XIRP2: variants seen among roughly 807,000 people sequenced by gnomAD.
The protein encoded by XIRP2 is xin actin binding repeat containing 2, also known as xin actin-binding repeat-containing protein 2.
A neutral mutation model predicts 277.0 loss-of-function variants in XIRP2; 236 were observed. The ratio of observed to expected loss-of-function variants is 0.85; its 90% CI spans 0.77 to 0.95. The LOEUF is 0.95. XIRP2 is among the 40% of genes least tolerant of loss of function. The probability of loss-of-function intolerance (pLI) is 0.00; values close to 1 mark genes in which losing one functional copy is unlikely to be tolerated. For missense variants in XIRP2, 4,640 were observed against 4,157.5 expected (o/e 1.12, Z -3.19); for synonymous variants, 1,490 against 1,416.5 (o/e 1.05, Z -1.17).
intron 2 of XIRP2, among the ~76,000 whole-genome samples, chr2:167,024,665 T>G (rs534684511): frequency 3.7e-4 from 56 of 152,102 alleles, no homozygotes; most frequent in South Asian, 6.2e-4. Context: ...TAGCATGACG[T>G]GTTGTTGAAT....
At chr2:167,242,323 T>A (rs1375501468) in intron 8 of XIRP2, among the ~76,000 whole-genome samples, 1 of 152,172 alleles carries the variant, frequency 6.6e-6, no homozygotes, top group Non-Finnish European at 1.5e-5. Context: ...GTGTAAATTT[T>A]AAAATATTGA....
chr2:167,254,248 T>G (rs941882676), intron 10 of XIRP2, 83 bp downstream of exon 10: 9 of 1,350,160 alleles, frequency 6.7e-6, no homozygotes, highest in Non-Finnish European at 8.7e-6. Flanking sequence ...AGGATGCACA[T>G]TTTTCCAGAT....
chr2:167,082,403 C>T (rs939638892), intron 2 of XIRP2, among the ~76,000 whole-genome samples: 7 of 151,896 alleles, frequency 4.6e-5, no homozygotes, highest in Admixed American at 3.9e-4. Flanking sequence ...CCGCAATAAA[C>T]ATACATGTGC....
At chr2:166,941,365 AG>A (rs1249296515) in intron 2 of XIRP2, among the ~76,000 whole-genome samples, 1 of 152,246 alleles carries the variant, frequency 6.6e-6, no homozygotes, top group Non-Finnish European at 1.5e-5. Context: ...TGGCTAGGAA[AG>A]GAAATTCCCT....
chr2:167,165,503 A>C (rs7583301), intron 3 of XIRP2, among the ~76,000 whole-genome samples: 15,055 of 152,168 alleles, frequency 0.099, 803 homozygotes, highest in South Asian at 0.15. Flanking sequence ...TCTCCACCAG[A>C]ATTTGATGTT....
At chr2:167,217,034 G>T (rs10460307) in intron 4 of XIRP2, among the ~76,000 whole-genome samples, 2 of 144,092 alleles carry the variant, frequency 1.4e-5, no homozygotes, top group Non-Finnish European at 3.0e-5. Flanking sequence ...ATCACAAGAA[G>T]AAAAAACCGA....
intron 2 of XIRP2, among the ~76,000 whole-genome samples, chr2:167,096,389 G>A (rs1475301951): frequency 6.6e-6 from 1 of 151,946 alleles, no homozygotes; most frequent in Non-Finnish European, 1.5e-5. Context: ...GGGATCAGTG[G>A]TGATCTCCCC....
intron 2 of XIRP2, among the ~76,000 whole-genome samples, chr2:167,025,593 G>A (rs1196280018): frequency 6.6e-6 from 1 of 151,768 alleles, no homozygotes; most frequent in African/African-American, 2.4e-5. Flanking sequence ...TGGGCATTTA[G>A]TGCTATAAAT....
chr2:167,178,246 C>T (rs957423685), intron 3 of XIRP2, among the ~76,000 whole-genome samples: 1 of 151,950 alleles, frequency 6.6e-6, no homozygotes, highest in Non-Finnish European at 1.5e-5. Flanking sequence ...GGATTGAGTG[C>T]TTTTTTAGAG....
chr2:167,186,805 GT>G (rs77891647), intron 3 of XIRP2, among the ~76,000 whole-genome samples: 6,289 of 131,704 alleles, frequency 0.048, 150 homozygotes, highest in African/African-American at 0.085. Flanking sequence ...ATTCTTCCTT[GT>G]TTTTTTTTTT....
Position 167,135,898 on chromosome 2 carries a change from T to A in XIRP2, c.409-11T>A, listed in dbSNP as rs773267685. ...GCTTTTAACATACAACCCTTTAATG[T>A]CTTGTAACAGGAAGTGGAAATTGAG... On this transcript the variant is annotated splice_polypyrimidine_tract_variant and intron_variant, in intron 2 of 10. Transcript: ENST00000409195. The A allele has an allele frequency of 9.4e-6, 15 of 1,587,958 alleles. No individual in the cohort carries two copies. Among genetic ancestry groups the A allele is most frequent in the Non-Finnish European group, 1.3e-5 (15 of 1,168,140 alleles).
chr2:167,088,731 T>C (rs760620426), intron 2 of XIRP2, among the ~76,000 whole-genome samples: 2 of 152,136 alleles, frequency 1.3e-5, no homozygotes, highest in Non-Finnish European at 2.9e-5. Flanking sequence ...GCTCCTTGCT[T>C]TCTCAACTTC....
intron 2 of XIRP2, among the ~76,000 whole-genome samples, chr2:166,968,629 A>G (rs1686490526): frequency 6.6e-6 from 1 of 152,010 alleles, no homozygotes; most frequent in Admixed American, 6.6e-5. Flanking sequence ...ACATATGAGG[A>G]AATATCCAGA....
chr2:167,040,637 C>T (rs1181064291), intron 2 of XIRP2, among the ~76,000 whole-genome samples: 1 of 152,146 alleles, frequency 6.6e-6, no homozygotes, highest in Non-Finnish European at 1.5e-5. Context: ...TACCATGCTT[C>T]TCTAGGGGTT....
intron 1 of XIRP2, among the ~76,000 whole-genome samples, chr2:166,902,410 T>C (rs1474917753): frequency 2.0e-5 from 3 of 152,106 alleles, no homozygotes; most frequent in Non-Finnish European, 1.5e-5. Context: ...GCTATTGTGT[T>C]AGGTGACCTT....
At chr2:167,217,146 G>A (rs1359035120) in intron 4 of XIRP2, among the ~76,000 whole-genome samples, 1 of 128,540 alleles carries the variant, frequency 7.8e-6, no homozygotes, top group Non-Finnish European at 1.6e-5. Flanking sequence ...GGTGGGGGGA[G>A]GGGGAAGGGG....
At chr2:166,962,071 A>G (rs1248157376) in intron 2 of XIRP2, among the ~76,000 whole-genome samples, 1 of 151,686 alleles carries the variant, frequency 6.6e-6, no homozygotes, top group Non-Finnish European at 1.5e-5. Context: ...TTGTTGGTCC[A>G]TTTCTCAATG....
intron 5 of XIRP2, among the ~76,000 whole-genome samples, chr2:167,229,584 A>G (rs1422099700): frequency 1.3e-5 from 2 of 152,138 alleles, no homozygotes; most frequent in Non-Finnish European, 2.9e-5. Flanking sequence ...AGGTATAATT[A>G]GCTCTTTCTG....
At chr2:167,255,019 A>G (rs1336652725) in intron 10 of XIRP2, among the ~76,000 whole-genome samples, 1 of 151,298 alleles carries the variant, frequency 6.6e-6, no homozygotes, top group Non-Finnish European at 1.5e-5. Context: ...CTTGGTTTCC[A>G]TAACAACAGA....
Sources: gnomAD v4.1 joint callset for allele counts (sites outside exome capture counted in the v4.1 genomes callset) on GRCh38, gnomAD v4.1.1 for gene constraint, MANE v1.5 for transcripts, NCBI Gene and HGNC (gene_info 2026-07-23, HGNC 2026-07-21) for gene names.